The following DCHS1 variants were observed in gnomAD, a reference collection of about 807,000 sequenced individuals.
The protein encoded by DCHS1 is dachsous cadherin-related 1.
DCHS1 carries 78 observed loss-of-function variants against 213.9 expected under a neutral mutation model. That is an observed-to-expected ratio of 0.36 (90% CI 0.30 to 0.44). The LOEUF (loss-of-function observed/expected upper bound fraction) is 0.44, where lower values mean the gene tolerates loss of function less well. DCHS1 is among the 20% of genes least tolerant of loss of function. The pLI is 1.00. For synonymous variants in DCHS1, 1,828 were observed against 1,873.7 expected, an observed-to-expected ratio of 0.98 and a Z score of 0.63; for missense variants, 3,946 against 4,395.9, an observed-to-expected ratio of 0.90 and a Z score of 2.89.
intron 5 of DCHS1, 103 bp downstream of exon 5, chr11:6,633,309 G>A (rs1855941481): frequency 4.8e-6 from 6 of 1,252,030 alleles, no homozygotes; most frequent in Middle Eastern, 2.7e-4. Flanking sequence ...TTTATACTGG[G>A]GCTATCTGCC....
rs769697515 is a variant in DCHS1, at chr11:6,632,579, C to T, written c.2933G>A (p.Arg978His). 53 of 1,509,490 alleles carry T rather than the reference C, an allele frequency of 3.5e-5. No homozygotes were observed. Among genetic ancestry groups the T allele is most frequent in the African/African-American group, 5.6e-5 (4 of 71,918 alleles). The allele number at this position is 1,509,490 out of a possible 1,614,324, so 93.5% of individuals were successfully genotyped here. Residue 978 changes from arginine to histidine, a missense_variant, in exon 6 of 21, where the codon CGC (arginine) becomes CAC (histidine). This residue lies in a region of DCHS1 where 3,384 missense variants were observed against 3,780.1 expected (regional missense o/e 0.90). Transcript: ENST00000299441. The surrounding 1 kb of genome is among the most constrained non-coding windows in gnomAD (Gnocchi z 5.9). ...CACCCGTAGTCGAAAGTGGCTGGTG[C>T]GTGGTGGGGAGCCCCCATCCCGGGC... ...LEARDGGSPP[R>H]TSHFRLRVVV... is the part of the protein sequence containing the mutation.
intron 20 of DCHS1, 34 bp from the exon 21 acceptor site, chr11:6,624,424 C>A: frequency 6.6e-7 from 1 of 1,513,712 alleles, no homozygotes. Flanking sequence ...GAAATATATT[C>A]AGCAAAGGCT....
Position 6,625,408 on chromosome 11 carries a change from C to A in DCHS1, c.6936G>T (p.Val2312=). The change falls in exon 19 of 21, where the codon GTG becomes GTT. Residue 2312 remains valine, a synonymous_variant. Transcript: ENST00000299441. The surrounding 1 kb of genome is among the most constrained non-coding windows in gnomAD (Gnocchi z 5.3). ...DVDSGPVLWY[V]LSPSGPQDPF... ...GATCCTGGGGCCCAGATGGGCTTAG[C>A]ACATACCACAGCACGGGTCCTGAGT... 1 of 1,608,716 alleles carries A rather than the reference C, an allele frequency of 6.2e-7. No homozygotes were observed. Among genetic ancestry groups the A allele is most frequent in the Non-Finnish European group, 8.5e-7 (1 of 1,176,854 alleles).
chr11:6,643,719 A>G (rs535097047), intron 1 of DCHS1, among the ~76,000 whole-genome samples: 1 of 152,198 alleles, frequency 6.6e-6, no homozygotes, highest in South Asian at 2.1e-4. Flanking sequence ...ATCATTTTTT[A>G]TGTGCCATCT....
At position 6,630,009 on chromosome 11, in the gene DCHS1, G is replaced by A. The variant is rs924417706; in HGVS notation, c.4785C>T (p.His1595=). 9 of 1,566,004 alleles carry A rather than the reference G, an allele frequency of 5.7e-6. No individual in the cohort carries two copies. Among genetic ancestry groups the A allele is most frequent in the Non-Finnish European group, 7.8e-6 (9 of 1,152,028 alleles). The part of the protein sequence containing the change: ...ASGGDGHFRL[H]SSTGALSVVR... ...AGACCTAACTCTCACCAGTGCTTGA[G>A]TGCAGCCGGAAGTGGCCGTCCCCGC... Residue 1595 remains histidine (H), a synonymous_variant, in exon 10 of 21, where the codon CAC becomes CAT. Coordinates refer to ENST00000299441, the MANE Select transcript of DCHS1 (RefSeq NM_003737.4).
chr11:6,648,006 C>G (rs1341374932), intron 1 of DCHS1, among the ~76,000 whole-genome samples: 1 of 152,230 alleles, frequency 6.6e-6, no homozygotes, highest in South Asian at 2.1e-4. Flanking sequence ...GGACTCTAGA[C>G]TTCGGCCTGC....
In DCHS1 at chr11:6,636,201, C is replaced by A. The variant is rs572924446; in HGVS notation, c.1798-1895G>T. On this transcript the variant is annotated intron_variant, in intron 2 of 20. Coordinates refer to ENST00000299441, the MANE Select transcript of DCHS1 (RefSeq NM_003737.4). ...TACCTCCTGCTTTGACTTTTCAAAA[C>A]ATAAATTATTTATTTATTTAATTTA... Among the ~76,000 whole-genome samples, 359 of 152,270 alleles carry A rather than the reference C, an allele frequency of 2.4e-3. 2 individuals carry two copies. Among genetic ancestry groups the A allele is most frequent in the African/African-American group, 7.8e-3 (326 of 41,544 alleles).
chr11:6,643,014 G>A (rs1309401449), intron 1 of DCHS1, among the ~76,000 whole-genome samples: 1 of 152,176 alleles, frequency 6.6e-6, no homozygotes, highest in Non-Finnish European at 1.5e-5. Context: ...GAAGGATTGG[G>A]AGAAGTCAAG....
chr11:6,653,404 A>G (rs1439874054), intron 1 of DCHS1, among the ~76,000 whole-genome samples: 1 of 152,220 alleles, frequency 6.6e-6, no homozygotes. Context: ...CACAGCCTGT[A>G]AGCTCCATGA....
chr11:6,637,455 C>T (rs1856001415), intron 2 of DCHS1, among the ~76,000 whole-genome samples: 1 of 152,182 alleles, frequency 6.6e-6, no homozygotes, highest in South Asian at 2.1e-4. Flanking sequence ...ATAAACAAAT[C>T]TGATAATATT....
In DCHS1 at chr11:6,626,585, C is replaced by T; in HGVS notation, c.6331G>A (p.Glu2111Lys). The change falls in exon 15 of 21, where the codon GAG (glutamate) becomes AAG (lysine). Residue 2111 changes from glutamate to lysine, a missense_variant. Coordinates refer to ENST00000299441, the MANE Select transcript of DCHS1 (RefSeq NM_003737.4). The surrounding 1 kb of genome is among the most constrained non-coding windows in gnomAD (Gnocchi z 5.2). The part of the protein sequence containing the change: ...PITYSILSGN[E>K]KGTFSIQPST... The stretch of plus-strand genomic sequence containing the variant: ...GGCTGGATGGAGAATGTCCCTTTCT[C>T]ATTCCCACTGAGAATGCTGTAGGTG... The T allele has an allele frequency of 1.2e-6, 2 of 1,614,024 alleles. No individual in the cohort carries two copies. Among genetic ancestry groups the T allele is most frequent in the Admixed American group, 1.7e-5 (1 of 60,020 alleles).
Position 6,632,723 on chromosome 11 carries a change from G to C in DCHS1, c.2789C>G (p.Thr930Ser). 1 of 1,604,580 alleles carries C rather than the reference G, an allele frequency of 6.2e-7. No homozygotes were observed. The highest frequency in any genetic ancestry group is 1.1e-5 in the South Asian group (1 of 89,370). ...DPDSGVNSRV[T>S]FTLLAGGGGA... The stretch of plus-strand genomic sequence containing the variant: ...ACCACCCCCAGCAAGCAGGGTAAAG[G>C]TGACTCGACTGTTAACACCTGAGTC... The change falls in exon 6 of 21, where the codon ACC becomes AGC. Residue 930 changes from threonine to serine, a missense_variant. Thr to Ser is a moderately conservative substitution (Grantham distance 58). This residue lies in a region of DCHS1 where 3,384 missense variants were observed against 3,780.1 expected (regional missense o/e 0.90). Coordinates refer to ENST00000299441, the MANE Select transcript of DCHS1 (RefSeq NM_003737.4). This position sits in a 1 kb window ranked among gnomAD's most constrained non-coding sequence, Gnocchi z 5.9.
At position 6,622,338 on chromosome 11, in the gene DCHS1, G is replaced by A; in HGVS notation, c.9338C>T (p.Pro3113Leu). The part of the protein sequence containing the change: ...GATLYREEGP[P>L]ATATAFLGGC... Reference sequence around the variant, plus strand: ...CCCCAGGAAGGCTGTGGCAGTGGCTGGGGGCCCCTCCTCTCTGTAGAGAGT... The same window carrying A: ...CCCCAGGAAGGCTGTGGCAGTGGCTAGGGGCCCCTCCTCTCTGTAGAGAGT... Residue 3113 changes from proline to leucine, a missense_variant, in exon 21 of 21, where the codon CCA becomes CTA. Around this residue, in one of 3 missense-constraint regions of DCHS1, gnomAD observed 554 missense variants for 590.2 expected, o/e 0.94. Coordinates refer to ENST00000299441, the MANE Select transcript of DCHS1 (RefSeq NM_003737.4). This position sits in a 1 kb window ranked among gnomAD's most constrained non-coding sequence, Gnocchi z 5.4. 1.3e-6 allele frequency: 2 copies of A among 1,599,940 alleles called. No individual in the cohort carries two copies. The highest frequency in any genetic ancestry group is 1.7e-6 in the Non-Finnish European group (2 of 1,173,646).
chr11:6,637,612 C>A (rs1159505043), intron 2 of DCHS1, among the ~76,000 whole-genome samples: 1 of 151,864 alleles, frequency 6.6e-6, no homozygotes, highest in Non-Finnish European at 1.5e-5. Flanking sequence ...CCTCTGTGCA[C>A]CTCACCTCTG....
At position 6,640,728 on chromosome 11, in the gene DCHS1, G is replaced by C. The variant is rs147260288; in HGVS notation, c.886C>G (p.Arg296Gly). 1.4e-5 allele frequency: 22 copies of C among 1,613,818 alleles called. No individual in the cohort carries two copies. The African/African-American group carries it at 2.9e-4, about 22-fold the overall frequency. ...VNGAVTYEIN[R>G]RQSEGDGPFS... The stretch of plus-strand genomic sequence containing the variant: ...GGTCCATCACCCTCGCTCTGCCTCC[G>C]GTTGATCTCGTAAGTCACAGCCCCA... The change falls in exon 2 of 21, where the codon CGG (arginine) becomes GGG (glycine). Residue 296 changes from arginine (R) to glycine (G), a missense_variant. By Grantham distance (125) the Arg-to-Gly change is moderately radical (BLOSUM62 -2). Around this residue, in one of 3 missense-constraint regions of DCHS1, gnomAD observed 3,384 missense variants for 3,780.1 expected, o/e 0.90. Transcript: ENST00000299441. The surrounding 1 kb of genome is among the most constrained non-coding windows in gnomAD (Gnocchi z 6.5).
chr11:6,624,402 A>T lies in DCHS1; in HGVS notation c.7286-12T>A, dbSNP rs548758842. On this transcript the variant is annotated splice_polypyrimidine_tract_variant and intron_variant, in intron 20 of 20. Coordinates refer to ENST00000299441, the MANE Select transcript of DCHS1 (RefSeq NM_003737.4). ...TGTGAACAGGGTCCCTGAGATGAGA[A>T]CGGAAGGGAAAGAAATATATTCAGC... The T allele has an allele frequency of 2.6e-6, 4 of 1,535,654 alleles. No homozygotes were observed. The South Asian group carries it at 4.8e-5, about 18-fold the overall frequency.
chr11:6,643,010 T>C (rs1283940032), intron 1 of DCHS1, among the ~76,000 whole-genome samples: 1 of 151,744 alleles, frequency 6.6e-6, no homozygotes, highest in Non-Finnish European at 1.5e-5. Context: ...GGAAGAAGGA[T>C]TGGGAGAAGT....
rs900466669 is a variant in DCHS1 at position 6,625,222 on chromosome 11, A to C, written c.7122T>G (p.Pro2374=). Reference sequence around the variant, plus strand: ...CCTGGTAGAGGCTCTGTGAGAAGGCAGGTGCATTGTCATTGACATCCTCCA... The same window carrying C: ...CCTGGTAGAGGCTCTGTGAGAAGGCCGGTGCATTGTCATTGACATCCTCCA... ...VLVEDVNDNA[P]AFSQSLYQVM... is the part of the protein sequence containing the mutation. The change falls in exon 19 of 21, where the codon CCT becomes CCG. Residue 2374 remains proline, a synonymous_variant. Coordinates refer to ENST00000299441, the MANE Select transcript of DCHS1 (RefSeq NM_003737.4). This position sits in a 1 kb window ranked among gnomAD's most constrained non-coding sequence, Gnocchi z 5.3. 6.2e-7 allele frequency: 1 copy of C among 1,602,968 alleles called. No individual in the cohort carries two copies. The highest frequency in any genetic ancestry group is 8.5e-7 in the Non-Finnish European group (1 of 1,173,620).
At position 6,629,438 on chromosome 11, in the gene DCHS1, C is replaced by T; in HGVS notation, c.5161+14G>A. Reference sequence around the variant, plus strand: ...ACACCTCACTCAGGCTCTTGGGGTCCTGTCAACATGTACCTGTCAGGTTGA... The same window carrying T: ...ACACCTCACTCAGGCTCTTGGGGTCTTGTCAACATGTACCTGTCAGGTTGA... On this transcript the variant is annotated intron_variant, in intron 12 of 20. Transcript: ENST00000299441. 6.2e-7 allele frequency: 1 copy of T among 1,612,378 alleles called. No homozygotes were observed. The highest frequency in any genetic ancestry group is 8.5e-7 in the Non-Finnish European group (1 of 1,179,194).
Sources: gnomAD v4.1 joint callset for allele counts (sites outside exome capture counted in the v4.1 genomes callset) on GRCh38, gnomAD v4.1.1 for gene constraint, gnomAD v4.1.1 regional missense constraint, Gnocchi (gnomAD v3.1) non-coding constraint, MANE v1.5 for transcripts, NCBI Gene and HGNC (gene_info 2026-07-23, HGNC 2026-07-21) for gene names.